Variants in ZFAND3 observed in about 807,000 individuals in gnomAD.
The protein encoded by ZFAND3 is zinc finger AN1-type containing 3.
Under a neutral mutation model 29.6 loss-of-function variants are expected in ZFAND3, and 10 were observed. That is an observed-to-expected ratio of 0.34 (90% CI 0.21 to 0.57). ZFAND3 has a LOEUF of 0.57. Among genes scored for constraint, ZFAND3 ranks in the 20% least tolerant of loss-of-function variants. The pLI is 0.86. For synonymous variants in ZFAND3, 128 were observed against 112.6 expected (o/e 1.14, Z -0.87); for missense variants, 230 against 304.5 (o/e 0.76, Z 1.82).
At chr6:37,970,254 T>C (rs1285907405) in intron 2 of ZFAND3, among the ~76,000 whole-genome samples, 2 of 152,170 alleles carry the variant, frequency 1.3e-5, no homozygotes, top group African/African-American at 4.8e-5. Context: ...GGATCAAAAA[T>C]GTGTCAGATT....
chr6:38,014,310 ACT>A (rs1491155353), intron 2 of ZFAND3, among the ~76,000 whole-genome samples: 1 of 114,620 alleles, frequency 8.7e-6, no homozygotes, highest in Non-Finnish European at 2.0e-5. Flanking sequence ...TTGTAATTTT[ACT>A]TTATTATTAT....
intron 2 of ZFAND3, among the ~76,000 whole-genome samples, chr6:38,006,132 T>C (rs984843607): frequency 1.3e-5 from 2 of 152,226 alleles, no homozygotes; most frequent in Non-Finnish European, 2.9e-5. Context: ...TCTGCATGTA[T>C]CATGCCCCAG....
chr6:38,123,223 G>C lies in ZFAND3; in HGVS notation c.529+6484G>C, dbSNP rs1240087615. 2.0e-5 allele frequency among the ~76,000 whole-genome samples: 3 copies of C among 152,216 alleles called. No homozygotes were observed. In the East Asian group the frequency reaches 5.8e-4, roughly 29 times the overall value. On this transcript the variant is annotated intron_variant, in intron 5 of 5. Coordinates refer to ENST00000287218, the MANE Select transcript of ZFAND3 (RefSeq NM_021943.3). ...GTCACAACTGTTGCTGCCATTGCAG[G>C]GGGCTACACAATGAACAAACAGTGA... is the stretch of plus-strand genomic sequence containing the variant.
intron 2 of ZFAND3, among the ~76,000 whole-genome samples, chr6:37,973,321 G>A (rs540270715): frequency 1.3e-5 from 2 of 152,240 alleles, no homozygotes; most frequent in Admixed American, 1.3e-4. Flanking sequence ...TTGGTGGGTG[G>A]CCTCAGTACC....
At chr6:37,981,811 G>A (rs1762585053) in intron 2 of ZFAND3, among the ~76,000 whole-genome samples, 1 of 152,140 alleles carries the variant, frequency 6.6e-6, no homozygotes, top group Non-Finnish European at 1.5e-5. Flanking sequence ...CTGTTACAAA[G>A]CCTTGGAAGG....
At chr6:37,977,956 C>T (rs1291052761) in intron 2 of ZFAND3, among the ~76,000 whole-genome samples, 1 of 149,912 alleles carries the variant, frequency 6.7e-6, no homozygotes, top group Non-Finnish European at 1.5e-5. Flanking sequence ...TTCCTTTCTT[C>T]CTTCTCACTC....
intron 1 of ZFAND3, among the ~76,000 whole-genome samples, chr6:37,825,980 A>G (rs1173487080): frequency 6.6e-6 from 1 of 152,318 alleles, no homozygotes; most frequent in Non-Finnish European, 1.5e-5. Flanking sequence ...ATAATCACAG[A>G]TTAAAATTGA....
At chr6:37,990,119 C>T (rs1389312928) in intron 2 of ZFAND3, among the ~76,000 whole-genome samples, 2 of 152,122 alleles carry the variant, frequency 1.3e-5, no homozygotes, top group Non-Finnish European at 2.9e-5. Flanking sequence ...AGACTGTTAA[C>T]TAAGTAAGTC....
chr6:38,003,318 GAA>G (rs1345670406), intron 2 of ZFAND3: 1 of 153,422 alleles, frequency 6.5e-6, no homozygotes, highest in Non-Finnish European at 1.5e-5. Flanking sequence ...GGCCTGAAAT[GAA>G]AGCTATTCCT....
intron 4 of ZFAND3, among the ~76,000 whole-genome samples, chr6:38,109,390 G>A (rs1765271929): frequency 6.6e-6 from 1 of 152,046 alleles, no homozygotes; most frequent in African/African-American, 2.4e-5. Context: ...ATGTTGGTTG[G>A]CCAGGATGGT....
intron 2 of ZFAND3, among the ~76,000 whole-genome samples, chr6:37,935,420 A>T (rs748601418): frequency 2.4e-4 from 37 of 152,216 alleles, no homozygotes; most frequent in Non-Finnish European, 4.9e-4. Context: ...AAATGAATAT[A>T]AAAAGCGAGA....
In ZFAND3 at chr6:38,026,250, C is replaced by T. The variant is rs539950402; in HGVS notation, c.113-35343C>T. 2.6e-5 allele frequency among the ~76,000 whole-genome samples: 4 copies of T among 152,044 alleles called. No individual in the cohort carries two copies. The South Asian group carries it at 8.3e-4, about 32-fold the overall frequency. ...TGTTTTATGACTTTTCTTCATAAAT[C>T]CTGTTTCTCTAGTCCCAAGGTCCAG... is the stretch of plus-strand genomic sequence containing the variant. On this transcript the variant is annotated intron_variant, in intron 2 of 5. Coordinates refer to ENST00000287218, the MANE Select transcript of ZFAND3 (RefSeq NM_021943.3).
chr6:37,862,557 G>A (rs1235250342), intron 1 of ZFAND3, among the ~76,000 whole-genome samples: 3 of 151,446 alleles, frequency 2.0e-5, no homozygotes, highest in African/African-American at 4.9e-5. Context: ...GGTGGTGCTT[G>A]CCTATAGGCT....
At chr6:37,896,513 C>CT (rs1263660327) in intron 1 of ZFAND3, among the ~76,000 whole-genome samples, 1 of 89,424 alleles carries the variant, frequency 1.1e-5, no homozygotes, top group African/African-American at 4.3e-5. Flanking sequence ...TTTCCTCTTT[C>CT]TTTTCTTTCT....
chr6:37,943,749 GGAAA>G (rs1761852163), intron 2 of ZFAND3, among the ~76,000 whole-genome samples: 1 of 152,112 alleles, frequency 6.6e-6, no homozygotes, highest in East Asian at 1.9e-4. Context: ...ATATTTGAGT[GGAAA>G]GAATTTTAGA....
intron 2 of ZFAND3, among the ~76,000 whole-genome samples, chr6:38,027,824 C>T (rs150788010): frequency 9.6e-4 from 146 of 152,324 alleles, no homozygotes; most frequent in African/African-American, 3.4e-3. Flanking sequence ...GAGCCTGCAA[C>T]TACAGTTTGG....
intron 2 of ZFAND3, among the ~76,000 whole-genome samples, chr6:37,932,260 C>CA (rs11322267): frequency 0.067 from 9,742 of 145,556 alleles, 382 homozygotes; most frequent in Non-Finnish European, 0.096. Flanking sequence ...GACTCTGTCT[C>CA]AAAAAAAAAA....
intron 3 of ZFAND3, among the ~76,000 whole-genome samples, chr6:38,069,739 A>G (rs1161627089): frequency 6.6e-6 from 1 of 152,262 alleles, no homozygotes. Context: ...TGAGCAGTTC[A>G]GCAGTGTTTT....
chr6:37,933,564 G>T (rs530425879), intron 2 of ZFAND3, among the ~76,000 whole-genome samples: 1 of 152,178 alleles, frequency 6.6e-6, no homozygotes, highest in Non-Finnish European at 1.5e-5. Context: ...AGTGACAGTT[G>T]CTAAAAGCCA....
Sources: gnomAD v4.1 joint callset for allele counts (sites outside exome capture counted in the v4.1 genomes callset) on GRCh38, gnomAD v4.1.1 for gene constraint, MANE v1.5 for transcripts, NCBI Gene and HGNC (gene_info 2026-07-23, HGNC 2026-07-21) for gene names.